Variants in KIAA0232 observed in about 807,000 individuals in gnomAD.
The protein encoded by KIAA0232 is uncharacterized protein KIAA0232.
A neutral mutation model predicts 122.0 loss-of-function variants in KIAA0232; 27 were observed. The ratio of observed to expected loss-of-function variants is 0.22; its 90% CI spans 0.16 to 0.31. KIAA0232 has a LOEUF of 0.31. Among genes scored for constraint, KIAA0232 ranks in the 10% least tolerant of loss-of-function variants. The pLI, the probability that KIAA0232 is intolerant of heterozygous loss-of-function variation, is 1.00. For missense variants in KIAA0232, 1,551 were observed against 1,634.2 expected (o/e 0.95, Z 0.88); for synonymous variants, 613 against 587.6 (o/e 1.04, Z -0.63).
chr4:6,823,595 T>A (rs1380284641), intron 2 of KIAA0232, among the ~76,000 whole-genome samples: 1 of 152,226 alleles, frequency 6.6e-6, no homozygotes, highest in Non-Finnish European at 1.5e-5. Flanking sequence ...CTAATTTTTT[T>A]ACCCATGTTT....
At chr4:6,815,331 T>A (rs929457170) in intron 2 of KIAA0232, among the ~76,000 whole-genome samples, 2 of 152,196 alleles carry the variant, frequency 1.3e-5, no homozygotes, top group African/African-American at 4.8e-5. Context: ...AAGTTTTAAT[T>A]AAACAGATAA....
chr4:6,785,885 A>G (rs1359738961), intron 1 of KIAA0232, among the ~76,000 whole-genome samples: 1 of 152,142 alleles, frequency 6.6e-6, no homozygotes, highest in East Asian at 1.9e-4. Flanking sequence ...ATGCCAAGCT[A>G]TTTCAGACCT....
chr4:6,837,924 GGAGGGA>G (rs1360638722), intron 3 of KIAA0232, among the ~76,000 whole-genome samples: 48 of 152,014 alleles, frequency 3.2e-4, no homozygotes, highest in East Asian at 1.4e-3. Context: ...AGGGGGAGGG[GGAGGGA>G]GAGGGAGAGG....
intron 1 of KIAA0232, among the ~76,000 whole-genome samples, chr4:6,783,171 G>T (rs1390259244): frequency 6.6e-6 from 1 of 151,782 alleles, no homozygotes; most frequent in Non-Finnish European, 1.5e-5. Context: ...AGACCGGGCC[G>T]CTGTTGATGG....
In KIAA0232 at chr4:6,863,059, C is replaced by G; in HGVS notation, c.2677C>G (p.Leu893Val). 6.2e-7 allele frequency: 1 copy of G among 1,614,198 alleles called. No homozygotes were observed. The highest frequency in any genetic ancestry group is 8.5e-7 in the Non-Finnish European group (1 of 1,180,022). Residue 893 changes from leucine (L) to valine (V), a missense_variant, in exon 7 of 10, where the codon CTG becomes GTG. Physicochemically the swap from Leu to Val is conservative, Grantham distance 32. Around this residue, in one of 5 missense-constraint regions of KIAA0232, gnomAD observed 1,108 missense variants for 1,154.8 expected, o/e 0.96. Transcript: ENST00000307659. Reference sequence around the variant, plus strand: ...TCTGTGGGAGGGACAGAAAGAGAGCCTGGAGAAAAGAGCATTTGCTTCTAG... The same window carrying G: ...TCTGTGGGAGGGACAGAAAGAGAGCGTGGAGAAAAGAGCATTTGCTTCTAG... Reference protein sequence around the residue: ...YHLWEGQKESLEKRAFASSEL... With the variant: ...YHLWEGQKESVEKRAFASSEL...
At chr4:6,854,837 C>T (rs73199919) in intron 4 of KIAA0232, among the ~76,000 whole-genome samples, 6,831 of 152,158 alleles carry the variant, frequency 0.045, 212 homozygotes, top group Middle Eastern at 0.085. Flanking sequence ...ATACTATAGG[C>T]TCTCAAAATA....
intron 7 of KIAA0232, among the ~76,000 whole-genome samples, chr4:6,870,825 T>C (rs1248079890): frequency 6.6e-6 from 1 of 151,580 alleles, no homozygotes; most frequent in Non-Finnish European, 1.5e-5. Context: ...AAAGGAAGTT[T>C]CTTTGATTCC....
chr4:6,804,973 T>TG (rs1199673618), intron 2 of KIAA0232, among the ~76,000 whole-genome samples: 12 of 152,328 alleles, frequency 7.9e-5, no homozygotes, highest in African/African-American at 2.6e-4. Context: ...AGGTTCCGGG[T>TG]GCATATTAGC....
At chr4:6,836,191 G>GT (rs1195575624) in intron 3 of KIAA0232, among the ~76,000 whole-genome samples, 3 of 152,146 alleles carry the variant, frequency 2.0e-5, no homozygotes, top group Non-Finnish European at 4.4e-5. Context: ...TCTCATTGTG[G>GT]TTTTGATTTG....
chr4:6,832,140 G>A (rs1209437250), intron 3 of KIAA0232, among the ~76,000 whole-genome samples: 1 of 152,154 alleles, frequency 6.6e-6, no homozygotes, highest in Admixed American at 6.5e-5. Context: ...GTATTTATTT[G>A]TTTAATGGCA....
intron 3 of KIAA0232, among the ~76,000 whole-genome samples, chr4:6,826,692 T>G (rs2109045905): frequency 6.6e-6 from 1 of 152,250 alleles, no homozygotes; most frequent in East Asian, 1.9e-4. Flanking sequence ...ACTATGTCTC[T>G]TTCTGTTGCC....
chr4:6,858,739 A>G (rs963968741), intron 6 of KIAA0232, among the ~76,000 whole-genome samples: 1 of 152,204 alleles, frequency 6.6e-6, no homozygotes, highest in Non-Finnish European at 1.5e-5. Context: ...GAAACATAGA[A>G]GGTTATTATT....
chr4:6,806,690 T>G (rs1402515399), intron 2 of KIAA0232, among the ~76,000 whole-genome samples: 1 of 123,420 alleles, frequency 8.1e-6, no homozygotes, highest in East Asian at 2.4e-4. Context: ...GCCAAGATCA[T>G]GCCACTGCAC....
intron 3 of KIAA0232, among the ~76,000 whole-genome samples, chr4:6,832,485 A>G (rs1719047504): frequency 6.6e-6 from 1 of 151,634 alleles, no homozygotes. Flanking sequence ...AGTAGCTGGC[A>G]TTACAGGCGC....
In KIAA0232 at chr4:6,880,887, CG is replaced by C. The variant is rs1722039769; in HGVS notation, c.4111del (p.Glu1371LysfsTer30). The C allele has an allele frequency of 1.2e-6, 2 of 1,607,658 alleles. No homozygotes were observed. Among genetic ancestry groups the C allele is most frequent in the Non-Finnish European group, 1.7e-6 (2 of 1,176,946 alleles). On this transcript the variant is annotated frameshift_variant, in exon 10 of 10. Coordinates refer to ENST00000307659, the MANE Select transcript of KIAA0232 (RefSeq NM_014743.3). LOFTEE classifies it high-confidence loss of function. ...GKMCSSASST[S>X]EETGSEGGGE... is the part of the protein sequence containing the mutation. ...ATGTGCTCCAGCGCCAGCTCCACCT[CG>C]GAAGAGACAGGCTCAGAAGGCGGAG...
intron 1 of KIAA0232, among the ~76,000 whole-genome samples, chr4:6,793,930 T>C (rs1055596916): frequency 6.6e-6 from 1 of 152,190 alleles, no homozygotes; most frequent in African/African-American, 2.4e-5. Flanking sequence ...CTTCCGTCCT[T>C]CCAACTTAAA....
intron 3 of KIAA0232, among the ~76,000 whole-genome samples, chr4:6,835,689 A>G (rs946497323): frequency 3.3e-5 from 5 of 152,086 alleles, no homozygotes; most frequent in African/African-American, 4.8e-5. Context: ...TCATTGTTCA[A>G]TTCCCGCTTA....
intron 8 of KIAA0232, among the ~76,000 whole-genome samples, chr4:6,873,417 A>G (rs1721598632): frequency 6.6e-6 from 1 of 152,206 alleles, no homozygotes; most frequent in Admixed American, 6.5e-5. Context: ...CAAGACACAG[A>G]CACAGTTAAT....
At chr4:6,788,411 C>G (rs191318821) in intron 1 of KIAA0232, among the ~76,000 whole-genome samples, 2 of 152,368 alleles carry the variant, frequency 1.3e-5, no homozygotes, top group Non-Finnish European at 1.5e-5. Context: ...CCACCTTTCT[C>G]TCTCTTTCTG....
Sources: gnomAD v4.1 joint callset for allele counts (sites outside exome capture counted in the v4.1 genomes callset) on GRCh38, gnomAD v4.1.1 for gene constraint, gnomAD v4.1.1 regional missense constraint, MANE v1.5 for transcripts, NCBI Gene and HGNC (gene_info 2026-07-23, HGNC 2026-07-21) for gene names.